The following ANKRD44 variants were observed in gnomAD, a reference collection of about 807,000 sequenced individuals.
ANKRD44 encodes serine/threonine-protein phosphatase 6 regulatory ankyrin repeat subunit B.
In ANKRD44, 35 loss-of-function variants were observed where a neutral mutation model predicts 116.0. The observed-to-expected ratio is 0.30, with a 90% CI of 0.23 to 0.40. The LOEUF (loss-of-function observed/expected upper bound fraction) is 0.40. Ranked by LOEUF, ANKRD44 falls within the 10% of genes least tolerant of loss-of-function variation. The probability of loss-of-function intolerance (pLI) is 1.00; values close to 1 mark genes in which losing one functional copy is unlikely to be tolerated. For missense variants in ANKRD44, 1,014 were observed against 1,242.6 expected (o/e 0.82, Z 2.77); for synonymous variants, 435 against 461.8 (o/e 0.94, Z 0.74).
chr2:197,152,795 C>T (rs955429423), intron 2 of ANKRD44, among the ~76,000 whole-genome samples: 2 of 152,182 alleles, frequency 1.3e-5, no homozygotes, highest in African/African-American at 4.8e-5. Flanking sequence ...GCTAGAAGTA[C>T]ATGATCTAAT....
intron 1 of ANKRD44, among the ~76,000 whole-genome samples, chr2:197,277,422 A>T (rs1433037245): frequency 6.6e-6 from 1 of 152,080 alleles, no homozygotes; most frequent in African/African-American, 2.4e-5. Flanking sequence ...GGGCTGGAGG[A>T]GGTGTCTTGC....
At position 197,308,787 on chromosome 2, in the gene ANKRD44, G is replaced by T. The variant is rs142883763; in HGVS notation, c.27+1791C>A. 2.7e-3 allele frequency among the ~76,000 whole-genome samples: 418 copies of T among 152,302 alleles called. 2 individuals are homozygous for T. The highest frequency in any genetic ancestry group is 9.8e-3 in the African/African-American group (408 of 41,558). On this transcript the variant is annotated intron_variant, in intron 1 of 27. Transcript: ENST00000282272. ...AGACCAAGTAATACACTTCTCACTA[G>T]GGTTGATCTTGATCTAGGAAGAGAT...
At chr2:197,194,331 A>T (rs2125632096) in intron 1 of ANKRD44, among the ~76,000 whole-genome samples, 1 of 152,358 alleles carries the variant, frequency 6.6e-6, no homozygotes, top group Admixed American at 6.5e-5. Context: ...TTGACTAATC[A>T]AAAGGTAACT....
intron 1 of ANKRD44, among the ~76,000 whole-genome samples, chr2:197,230,100 C>T (rs1028349737): frequency 6.6e-6 from 1 of 151,956 alleles, no homozygotes; most frequent in Admixed American, 6.6e-5. Context: ...GCAGCCAACA[C>T]GAGCTTTTTT....
chr2:197,108,862 C>CAAAAAA (rs1436259647), intron 9 of ANKRD44, among the ~76,000 whole-genome samples: 3 of 147,036 alleles, frequency 2.0e-5, no homozygotes, highest in African/African-American at 8.2e-5. Flanking sequence ...ACAACAACAA[C>CAAAAAA]AACAACAACA....
At chr2:197,143,471 A>G (rs375725966) in intron 3 of ANKRD44, among the ~76,000 whole-genome samples, 2 of 151,012 alleles carry the variant, frequency 1.3e-5, no homozygotes, top group African/African-American at 4.9e-5. Context: ...TGTTCTTGCA[A>G]TAGTTTACTG....
intron 1 of ANKRD44, among the ~76,000 whole-genome samples, chr2:197,262,129 C>T (rs925614059): frequency 6.6e-6 from 1 of 152,188 alleles, no homozygotes. Context: ...CCTAGCCATA[C>T]GGTAGTTCCC....
chr2:197,043,232 G>A (rs973395367), intron 16 of ANKRD44, among the ~76,000 whole-genome samples: 4 of 152,186 alleles, frequency 2.6e-5, no homozygotes, highest in African/African-American at 9.7e-5. Flanking sequence ...CCCTAGTAAT[G>A]AAAGAAAACC....
chr2:197,015,842 G>A, intron 17 of ANKRD44: 1 of 511,922 alleles, frequency 2.0e-6, no homozygotes. Flanking sequence ...TTTGGTGGTG[G>A]TACCTGTGGT....
chr2:197,188,097 A>C (rs2080730472), intron 1 of ANKRD44, among the ~76,000 whole-genome samples: 1 of 152,218 alleles, frequency 6.6e-6, no homozygotes, highest in Non-Finnish European at 1.5e-5. Flanking sequence ...AAACATGATT[A>C]CATCTACTGC....
Position 197,061,002 on chromosome 2 carries a change from C to T in ANKRD44, c.1650+17701G>A, listed in dbSNP as rs138677459. ...TGCAGTGAACATGAGAGTGTAGATA[C>T]GTCTTTGAGATACTGATTTCATTTC... On this transcript the variant is annotated intron_variant, in intron 16 of 27. Transcript: ENST00000282272. Among the ~76,000 whole-genome samples the T allele has an allele frequency of 7.2e-3, 1,090 of 151,582 alleles. 34 individuals carry two copies. Among genetic ancestry groups the T allele is most frequent in the Admixed American group, 0.05 (756 of 15,226 alleles).
rs770217014 is a variant in ANKRD44 at position 197,121,422 on chromosome 2, C to G, written c.816G>C (p.Gly272=). Residue 272 remains glycine, a synonymous_variant, in exon 8 of 28, where the codon GGG becomes GGC. Transcript: ENST00000282272. ...CAGCAGCAAAATGCAAAGGGGTGAACCCATTATTGTTTGGCTGGTTCACGT... is the reference window on the plus strand; with the variant it reads ...CAGCAGCAAAATGCAAAGGGGTGAAGCCATTATTGTTTGGCTGGTTCACGT... The part of the protein sequence containing the change: ...GANVNQPNNN[G]FTPLHFAAAS... 1.2e-6 allele frequency: 2 copies of G among 1,614,056 alleles called. No individual in the cohort carries two copies. The highest frequency in any genetic ancestry group is 2.7e-5 in the African/African-American group (2 of 74,914).
chr2:197,103,313 C>A (rs930597816), intron 9 of ANKRD44, among the ~76,000 whole-genome samples: 4 of 151,624 alleles, frequency 2.6e-5, no homozygotes, highest in African/African-American at 9.7e-5. Flanking sequence ...TTTCCCTATA[C>A]CCTGGTAACA....
At chr2:197,200,716 C>T (rs1281713841) in intron 1 of ANKRD44, among the ~76,000 whole-genome samples, 1 of 152,098 alleles carries the variant, frequency 6.6e-6, no homozygotes, top group Non-Finnish European at 1.5e-5. Context: ...GCTGCTCCTG[C>T]CCATCTGGAA....
intron 15 of ANKRD44, among the ~76,000 whole-genome samples, chr2:197,080,271 C>T (rs973098783): frequency 6.6e-6 from 1 of 152,148 alleles, no homozygotes; most frequent in Non-Finnish European, 1.5e-5. Flanking sequence ...GCATATTCTC[C>T]ACATTGCTTG....
intron 4 of ANKRD44, among the ~76,000 whole-genome samples, chr2:197,126,820 A>T (rs2078985638): frequency 2.1e-5 from 3 of 144,668 alleles, no homozygotes; most frequent in Non-Finnish European, 4.5e-5. Flanking sequence ...CAAAAACCGC[A>T]ATTACTTTTG....
chr2:197,158,203 C>T (rs7584832), intron 2 of ANKRD44, among the ~76,000 whole-genome samples: 95,767 of 152,140 alleles, frequency 0.63, 33,965 homozygotes, highest in East Asian at 0.95. Context: ...CCACCTTCCC[C>T]GACAGCCTAA....
chr2:197,215,107 C>T (rs2081416294), intron 1 of ANKRD44, among the ~76,000 whole-genome samples: 1 of 152,134 alleles, frequency 6.6e-6, no homozygotes. Context: ...AACTCCTGGC[C>T]TCACATGATC....
At chr2:197,280,446 C>T (rs58850453) in intron 1 of ANKRD44, among the ~76,000 whole-genome samples, 19,228 of 147,742 alleles carry the variant, frequency 0.13, 2,529 homozygotes, top group African/African-American at 0.34. Context: ...AACAAGAAAA[C>T]GAGCAGAGTT....
Sources: allele counts gnomAD v4.1 joint callset (sites outside exome capture counted in the v4.1 genomes callset), GRCh38; gene constraint gnomAD v4.1.1; transcripts MANE v1.5; gene names NCBI Gene and HGNC (gene_info 2026-07-23, HGNC 2026-07-21).